Variants in SMYD4 observed in about 807,000 individuals in gnomAD.
SMYD4 encodes the protein protein-lysine N-methyltransferase SMYD4.
A neutral mutation model predicts 72.8 loss-of-function variants in SMYD4; 68 were observed. That is an observed-to-expected ratio of 0.93 (90% confidence interval 0.77 to 1.14). The LOEUF (loss-of-function observed/expected upper bound fraction) is 1.14. SMYD4 is among the 50% of genes most tolerant of loss of function. The pLI, the probability that SMYD4 is intolerant of heterozygous loss-of-function variation, is 0.00. For missense variants in SMYD4, 984 were observed against 1,003.7 expected, an observed-to-expected ratio of 0.98 and a Z score of 0.27; for synonymous variants, 407 against 388.6, an observed-to-expected ratio of 1.05 and a Z score of -0.56.
intron 7 of SMYD4, among the ~76,000 whole-genome samples, chr17:1,784,949 GTTAT>G (rs1908576143): frequency 8.0e-6 from 1 of 124,878 alleles, no homozygotes; most frequent in African/African-American, 3.1e-5. Flanking sequence ...TTTTGTGTGT[GTTAT>G]TTATTTTTTT....
chr17:1,810,720 G>C (rs993588657), intron 3 of SMYD4, among the ~76,000 whole-genome samples: 1 of 152,230 alleles, frequency 6.6e-6, no homozygotes, highest in Admixed American at 6.5e-5. Flanking sequence ...ACGCCCCCCA[G>C]CCTGGGCCTA....
chr17:1,809,192 A>C (rs527659748), intron 3 of SMYD4, among the ~76,000 whole-genome samples: 34 of 151,452 alleles, frequency 2.2e-4, no homozygotes, highest in South Asian at 4.2e-4. Context: ...TTCAAATTTA[A>C]ACTTATTCTT....
At chr17:1,810,666 T>G (rs1373852185) in intron 3 of SMYD4, among the ~76,000 whole-genome samples, 3 of 152,250 alleles carry the variant, frequency 2.0e-5, no homozygotes, top group African/African-American at 7.2e-5. Context: ...CACTCCCGCC[T>G]TCGCGCCCAA....
chr17:1,804,576 A>C, intron 4 of SMYD4, 50 bp downstream of exon 4: 1 of 1,528,796 alleles, frequency 6.5e-7, no homozygotes, highest in Non-Finnish European at 9.1e-7. Context: ...GTCCTCCAGT[A>C]AGAAGCCCTC....
intron 2 of SMYD4, among the ~76,000 whole-genome samples, chr17:1,814,038 C>T (rs893818300): frequency 6.6e-6 from 1 of 152,086 alleles, no homozygotes. Flanking sequence ...TGGCCAGGTG[C>T]GGTGGCTCAC....
At chr17:1,811,052 C>T (rs997324862) in intron 3 of SMYD4, among the ~76,000 whole-genome samples, 2 of 152,222 alleles carry the variant, frequency 1.3e-5, no homozygotes, top group East Asian at 1.9e-4. Flanking sequence ...TCTGTCCTTG[C>T]GACAAGGTGG....
At chr17:1,812,182 T>C in intron 2 of SMYD4, 67 bp from the exon 3 acceptor site, 2 of 1,562,898 alleles carry the variant, frequency 1.3e-6, no homozygotes, top group Non-Finnish European at 1.7e-6. Context: ...TCTAAACCAT[T>C]GCCCTCAAAA....
At chr17:1,799,818 A>C in intron 5 of SMYD4, 39 bp downstream of exon 5, 1 of 1,507,608 alleles carries the variant, frequency 6.6e-7, no homozygotes, top group Non-Finnish European at 8.9e-7. Flanking sequence ...CTCCATCGAG[A>C]ACAATATTGA....
chr17:1,782,163 A>G (rs1476336197), intron 10 of SMYD4: 1 of 152,132 alleles, frequency 6.6e-6, no homozygotes, highest in Non-Finnish European at 1.5e-5. Context: ...TTTAACCTTC[A>G]AAGTAGAACA....
rs1908279999 is a variant in SMYD4 at position 1,779,871 on chromosome 17, G to T, written c.*1415C>A. The T allele has an allele frequency of 6.6e-6, 1 of 152,572 alleles. No individual in the cohort carries two copies. Among genetic ancestry groups the T allele is most frequent in the Non-Finnish European group, 1.5e-5 (1 of 68,020 alleles). 9.5% of individuals were successfully genotyped at this position (152,572 alleles called of 1,614,324 possible). ...CTACTAAGAGCTTCAGTTCCCACTG[G>T]AGTGGTGCACACATCTCATTACTAC... On this transcript the variant is annotated 3_prime_UTR_variant, in exon 11 of 11. Transcript: ENST00000305513.
intron 1 of SMYD4, 65 bp from the exon 2 acceptor site, chr17:1,828,071 C>T: frequency 6.5e-7 from 1 of 1,537,114 alleles, no homozygotes; most frequent in South Asian, 1.1e-5. Context: ...AAGAGTTCAG[C>T]CAGGTACGGT....
chr17:1,800,633 A>G lies in SMYD4; in HGVS notation c.761T>C (p.Leu254Pro), dbSNP rs900299391. ...CTCCTGCACCAGGAGCTCTCCTGGG[A>G]GAATATCTTTTGTGGCAACGAGACA... ...GRCLVATKDI[L>P]PGELLVQEDA... Residue 254 changes from leucine (L) to proline (P), a missense_variant, in exon 5 of 11, where the codon CTC becomes CCC. By Grantham distance (98) the Leu-to-Pro change is moderately conservative. Coordinates refer to ENST00000305513, the MANE Select transcript of SMYD4 (RefSeq NM_052928.3). 6.6e-5 allele frequency: 106 copies of G among 1,614,052 alleles called. No individual in the cohort carries two copies. The highest frequency in any genetic ancestry group is 8.2e-5 in the Non-Finnish European group (97 of 1,180,046).
intron 4 of SMYD4, 80 bp downstream of exon 4, chr17:1,804,546 G>A (rs775369153): frequency 3.3e-6 from 4 of 1,204,428 alleles, no homozygotes; most frequent in Non-Finnish European, 4.9e-6. Flanking sequence ...TTCTATGGAA[G>A]AAGCAGAGAT....
intron 7 of SMYD4, among the ~76,000 whole-genome samples, chr17:1,785,379 T>C (rs1053874485): frequency 1.0e-4 from 15 of 144,304 alleles, no homozygotes; most frequent in African/African-American, 3.1e-4. Context: ...TGAGCCGAGA[T>C]TGCACCACTG....
chr17:1,806,082 G>A (rs939561522), intron 3 of SMYD4, among the ~76,000 whole-genome samples: 6 of 151,678 alleles, frequency 4.0e-5, no homozygotes, highest in South Asian at 2.1e-4. Flanking sequence ...CCGCCACCAC[G>A]CCTGGCCAAT....
chr17:1,807,418 G>GC (rs34278953), intron 3 of SMYD4, among the ~76,000 whole-genome samples: 25,035 of 147,548 alleles, frequency 0.17, 2,233 homozygotes, highest in Middle Eastern at 0.2. Flanking sequence ...TCCGCGTACC[G>GC]CCCCCCCCGG....
chr17:1,825,460 T>C (rs1911115963), intron 2 of SMYD4, among the ~76,000 whole-genome samples: 2 of 151,974 alleles, frequency 1.3e-5, no homozygotes, highest in Non-Finnish European at 2.9e-5. Flanking sequence ...TACAGGCACA[T>C]GTCATGTTGT....
rs184251187 is a variant in SMYD4 at position 1,828,847 on chromosome 17, T to C, written c.-12-841A>G. On this transcript the variant is annotated intron_variant, in intron 1 of 10. Coordinates refer to ENST00000305513, the MANE Select transcript of SMYD4 (RefSeq NM_052928.3). ...CCTGACCTCAGATGATCCGCCAGCC[T>C]TGGCCTCCCAAAGCGCTGGGATTAC... Among the ~76,000 whole-genome samples, 5 of 152,256 alleles carry C rather than the reference T, an allele frequency of 3.3e-5. No homozygotes were observed. In the East Asian group the frequency reaches 9.6e-4, roughly 29 times the overall value.
Position 1,780,744 on chromosome 17 carries a change from C to T in SMYD4, c.*542G>A, listed in dbSNP as rs1191437582. ...TCACCCCATTCTCCTGCCTCAACCT[C>T]CCGAGTAGCTGTGAATACAGGCGTC... On this transcript the variant is annotated 3_prime_UTR_variant, in exon 11 of 11. Coordinates refer to ENST00000305513, the MANE Select transcript of SMYD4 (RefSeq NM_052928.3). 1 of 152,066 alleles carries T rather than the reference C, an allele frequency of 6.6e-6. No homozygotes were observed. Among genetic ancestry groups the T allele is most frequent in the Non-Finnish European group, 1.5e-5 (1 of 68,294 alleles). The allele number at this position is 152,066 out of a possible 1,614,324, so 9.4% of individuals were successfully genotyped here. A position where few individuals can be genotyped will look rare whatever the true frequency, so the allele number is the denominator to read the frequency against.
Sources: gnomAD v4.1 joint callset for allele counts (sites outside exome capture counted in the v4.1 genomes callset) on GRCh38, gnomAD v4.1.1 for gene constraint, MANE v1.5 for transcripts, NCBI Gene and HGNC (gene_info 2026-07-23, HGNC 2026-07-21) for gene names.